The following SEMA5B variants were observed in gnomAD, a reference collection of about 807,000 sequenced individuals.
SEMA5B encodes semaphorin-5B.
A neutral mutation model predicts 135.0 loss-of-function variants in SEMA5B; 66 were observed. That is an observed-to-expected ratio of 0.49 (90% CI 0.40 to 0.60). SEMA5B has a LOEUF of 0.60. Among genes scored for constraint, SEMA5B ranks in the 20% least tolerant of loss-of-function variants. The pLI, the probability that SEMA5B is intolerant of heterozygous loss-of-function variation, is 0.00. For missense variants in SEMA5B, 1,501 were observed against 1,566.3 expected (o/e 0.96, Z 0.70); for synonymous variants, 690 against 639.5 (o/e 1.08, Z -1.19).
intron 1 of SEMA5B, among the ~76,000 whole-genome samples, chr3:122,964,328 G>C (rs1576371799): frequency 6.6e-6 from 1 of 152,188 alleles, no homozygotes; most frequent in Non-Finnish European, 1.5e-5. Flanking sequence ...CCAAGTATGT[G>C]GGGTGGGGGC....
intron 1 of SEMA5B, among the ~76,000 whole-genome samples, chr3:123,009,321 C>T (rs963162600): frequency 2.0e-5 from 3 of 152,086 alleles, no homozygotes; most frequent in South Asian, 2.1e-4. Context: ...TGTCTTTAGG[C>T]GAGGGGACTG....
Position 122,998,305 on chromosome 3 carries a change from C to T in SEMA5B, c.-39+29159G>A, listed in dbSNP as rs73856801. Reference sequence around the variant, plus strand: ...CAGCCCGCAGAGGTTGGCCCTCAGACTGGAGGAGCTAGTCAGGTAGAGCGG... The same window carrying T: ...CAGCCCGCAGAGGTTGGCCCTCAGATTGGAGGAGCTAGTCAGGTAGAGCGG... On this transcript the variant is annotated intron_variant, in intron 1 of 22. Coordinates refer to ENST00000357599, the MANE Select transcript of SEMA5B (RefSeq NM_001031702.4). 3.6e-3 allele frequency among the ~76,000 whole-genome samples: 545 copies of T among 152,264 alleles called. 1 individual carries two copies. The highest frequency in any genetic ancestry group is 0.012 in the African/African-American group (504 of 41,528).
chr3:122,981,306 G>A (rs948675499), intron 1 of SEMA5B, among the ~76,000 whole-genome samples: 1 of 152,198 alleles, frequency 6.6e-6, no homozygotes, highest in African/African-American at 2.4e-5. Context: ...TGTGCCACAG[G>A]TGATGCTGAG....
chr3:122,982,254 T>C (rs1441365506), intron 1 of SEMA5B, among the ~76,000 whole-genome samples: 3 of 152,244 alleles, frequency 2.0e-5, no homozygotes, highest in Non-Finnish European at 2.9e-5. Context: ...GAGGGTTTCC[T>C]CTGGCTCCTG....
chr3:122,988,466 T>C (rs1480437546), intron 1 of SEMA5B, among the ~76,000 whole-genome samples: 1 of 152,054 alleles, frequency 6.6e-6, no homozygotes, highest in Non-Finnish European at 1.5e-5. Flanking sequence ...AGGGGCGGAA[T>C]GGGAAACTGA....
At chr3:123,000,358 TCA>T (rs1331690770) in intron 1 of SEMA5B, among the ~76,000 whole-genome samples, 2 of 152,072 alleles carry the variant, frequency 1.3e-5, no homozygotes, top group African/African-American at 4.8e-5. Flanking sequence ...GCAAAGGTTC[TCA>T]GTCATGGTGG....
At chr3:122,910,627 G>A (rs1301746802) in intron 22 of SEMA5B, among the ~76,000 whole-genome samples, 1 of 151,874 alleles carries the variant, frequency 6.6e-6, no homozygotes, top group African/African-American at 2.4e-5. Flanking sequence ...GGCTAAAAAC[G>A]GTGAAACCCC....
chr3:122,982,332 T>C (rs1941545666), intron 1 of SEMA5B, among the ~76,000 whole-genome samples: 1 of 152,220 alleles, frequency 6.6e-6, no homozygotes, highest in Non-Finnish European at 1.5e-5. Flanking sequence ...AAATAATTCA[T>C]AAACACATTA....
chr3:122,950,329 G>A (rs1939987855), intron 2 of SEMA5B, among the ~76,000 whole-genome samples: 1 of 152,232 alleles, frequency 6.6e-6, no homozygotes, highest in Admixed American at 6.5e-5. Flanking sequence ...TGTAGGGGTT[G>A]GGGTGTGCAA....
chr3:122,990,086 T>G (rs1450320645), intron 1 of SEMA5B, among the ~76,000 whole-genome samples: 1 of 152,160 alleles, frequency 6.6e-6, no homozygotes, highest in East Asian at 1.9e-4. Context: ...ACACAAGGCA[T>G]TTCAAAGCCC....
At chr3:122,954,792 CTTTTTTTTT>C (rs34786092) in intron 2 of SEMA5B, among the ~76,000 whole-genome samples, 2 of 129,944 alleles carry the variant, frequency 1.5e-5, no homozygotes, top group African/African-American at 2.8e-5. Flanking sequence ...GGGTGGTCAT[CTTTTTTTTT>C]TTTTTTTTTT....
intron 5 of SEMA5B, among the ~76,000 whole-genome samples, chr3:122,936,942 C>G (rs1356735423): frequency 6.6e-6 from 1 of 152,240 alleles, no homozygotes; most frequent in Non-Finnish European, 1.5e-5. Flanking sequence ...TTGGAAGTCC[C>G]TTAATGGATA....
chr3:123,008,830 G>A (rs766181823), intron 1 of SEMA5B, among the ~76,000 whole-genome samples: 2 of 152,156 alleles, frequency 1.3e-5, no homozygotes, highest in Non-Finnish European at 2.9e-5. Context: ...ACAGTGGCAG[G>A]GGTTTTCCCT....
In SEMA5B at chr3:122,921,961, C is replaced by T. The variant is rs773388434; in HGVS notation, c.1642G>A (p.Val548Ile). 3 of 1,536,056 alleles carry T rather than the reference C, an allele frequency of 2.0e-6. No individual in the cohort carries two copies. Among genetic ancestry groups the T allele is most frequent in the South Asian group, 1.2e-5 (1 of 83,802 alleles). Residue 548 changes from valine to isoleucine, a missense_variant, in exon 12 of 23, where the codon GTC becomes ATC. Physicochemically the swap from Val to Ile is conservative, Grantham distance 29. Transcript: ENST00000357599. ...CACCTCTCCAGTGGGACCCGCAGGA[C>T]GCCGTCTCTCAGCCCCACGAAGAGC... is the stretch of plus-strand genomic sequence containing the variant. ...RALFVGLRDG[V>I]LRVPLERCAA...
intron 12 of SEMA5B, among the ~76,000 whole-genome samples, chr3:122,919,057 G>T (rs575727159): frequency 1.5e-5 from 2 of 136,236 alleles, no homozygotes; most frequent in African/African-American, 2.8e-5. Flanking sequence ...AAAGGAACAG[G>T]TTCATTCCAT....
chr3:123,006,368 G>C (rs1942310790), intron 1 of SEMA5B, among the ~76,000 whole-genome samples: 2 of 152,128 alleles, frequency 1.3e-5, no homozygotes, highest in South Asian at 4.2e-4. Flanking sequence ...ACTAACAAAT[G>C]CTCCCCAAAT....
At chr3:122,954,916 C>T (rs1162931870) in intron 2 of SEMA5B, among the ~76,000 whole-genome samples, 1 of 151,568 alleles carries the variant, frequency 6.6e-6, no homozygotes, top group African/African-American at 2.4e-5. Context: ...CCTCAGCCTC[C>T]AGAGTAGCTG....
Position 122,924,276 on chromosome 3 carries a change from C to A in SEMA5B, c.1137-524G>T, listed in dbSNP as rs1041691356. ...CAGGAGACCCTTTCAGTCACAGAAGCATGTTTCCATGAATCTTACATGAAC... is the reference window on the plus strand; with the variant it reads ...CAGGAGACCCTTTCAGTCACAGAAGAATGTTTCCATGAATCTTACATGAAC... On this transcript the variant is annotated intron_variant, in intron 9 of 22. Transcript: ENST00000357599. 1.3e-5 allele frequency among the ~76,000 whole-genome samples: 2 copies of A among 152,330 alleles called. 1 individual carries two copies. Among genetic ancestry groups the A allele is most frequent in the South Asian group, 4.1e-4 (2 of 4,826 alleles).
At chr3:122,989,410 G>C (rs1196324665) in intron 1 of SEMA5B, among the ~76,000 whole-genome samples, 5 of 152,202 alleles carry the variant, frequency 3.3e-5, no homozygotes, top group Admixed American at 3.3e-4. Context: ...TCCTGGCTCT[G>C]AACCTTCCCC....
Sources: allele counts gnomAD v4.1 joint callset (sites outside exome capture counted in the v4.1 genomes callset), GRCh38; gene constraint gnomAD v4.1.1; transcripts MANE v1.5; gene names NCBI Gene and HGNC (gene_info 2026-07-23, HGNC 2026-07-21).